Variants in EXOC6B observed in about 807,000 individuals in gnomAD.
The protein encoded by EXOC6B is exocyst complex component 6B.
In EXOC6B, 54 loss-of-function variants were observed where a neutral mutation model predicts 113.5. The observed-to-expected ratio is 0.48, with a 90% confidence interval of 0.38 to 0.60. The LOEUF is 0.60. EXOC6B is among the 20% of genes least tolerant of loss of function. EXOC6B has a pLI of 0.00. For missense variants in EXOC6B, 797 were observed against 977.5 expected, an observed-to-expected ratio of 0.82 and a Z score of 2.46; for synonymous variants, 357 against 339.0, an observed-to-expected ratio of 1.05 and a Z score of -0.58.
At chr2:72,469,206 T>C (rs1698246530) in intron 17 of EXOC6B, among the ~76,000 whole-genome samples, 1 of 152,124 alleles carries the variant, frequency 6.6e-6, no homozygotes, top group Non-Finnish European at 1.5e-5. Context: ...ATTTAGATAG[T>C]TTCACTGCCC....
At position 72,705,627 on chromosome 2, in the gene EXOC6B, A is replaced by C. The variant is rs572637710; in HGVS notation, c.669+12476T>G. On this transcript the variant is annotated intron_variant, in intron 6 of 21. Transcript: ENST00000272427. ...CATACACACACACGTGCAAGTAAGC[A>C]CCACAACCTGACAAAGCCTCTCCTA... Among the ~76,000 whole-genome samples, 847 of 152,184 alleles carry C rather than the reference A, an allele frequency of 5.6e-3. 13 individuals are homozygous for C. The highest frequency in any genetic ancestry group is 0.017 in the African/African-American group (714 of 41,536).
Position 72,772,386 on chromosome 2 carries a change from G to A in EXOC6B, c.114-30917C>T, listed in dbSNP as rs746102903. ...CCCCAAAGCCCCAGGCTTCAGGCCT[G>A]CCCAATAGAACCTGGTGCCAGGCAA... On this transcript the variant is annotated intron_variant, in intron 1 of 21. Transcript: ENST00000272427. Among the ~76,000 whole-genome samples, 33 of 152,166 alleles carry A rather than the reference G, an allele frequency of 2.2e-4. 1 individual carries two copies. The highest frequency in any genetic ancestry group is 4.1e-4 in the Non-Finnish European group (28 of 68,034).
chr2:72,692,846 A>G lies in EXOC6B; in HGVS notation c.669+25257T>C, dbSNP rs1401680642. 3.3e-5 allele frequency among the ~76,000 whole-genome samples: 5 copies of G among 152,212 alleles called. No individual in the cohort carries two copies. In the East Asian group the frequency reaches 9.6e-4, roughly 29 times the overall value. On this transcript the variant is annotated intron_variant, in intron 6 of 21. Coordinates refer to ENST00000272427, the MANE Select transcript of EXOC6B (RefSeq NM_015189.3). Reference sequence around the variant, plus strand: ...TACAAAAGCCCAAGAGAGGAAACTAAGTGGAATCTTAGGTTTCAAACTTCT... The same window carrying G: ...TACAAAAGCCCAAGAGAGGAAACTAGGTGGAATCTTAGGTTTCAAACTTCT...
chr2:72,434,971 T>G (rs1695764217), intron 18 of EXOC6B, among the ~76,000 whole-genome samples: 8 of 152,182 alleles, frequency 5.3e-5, no homozygotes. Flanking sequence ...TTGCTCTTAC[T>G]TCTCTAGTTC....
At chr2:72,363,150 A>C (rs2104991093) in intron 19 of EXOC6B, among the ~76,000 whole-genome samples, 1 of 152,280 alleles carries the variant, frequency 6.6e-6, no homozygotes, top group East Asian at 1.9e-4. Flanking sequence ...ATCTAAGATG[A>C]AATCCACACA....
At chr2:72,679,982 A>G (rs902260917) in intron 6 of EXOC6B, among the ~76,000 whole-genome samples, 2 of 152,234 alleles carry the variant, frequency 1.3e-5, no homozygotes, top group African/African-American at 4.8e-5. Context: ...CAACATAAAT[A>G]TAAATTTCCT....
At chr2:72,654,603 A>G in intron 6 of EXOC6B, among the ~76,000 whole-genome samples, 1 of 152,220 alleles carries the variant, frequency 6.6e-6, no homozygotes, top group Non-Finnish European at 1.5e-5. Context: ...TATGGATTGT[A>G]TGTGAAATGC....
intron 18 of EXOC6B, among the ~76,000 whole-genome samples, chr2:72,397,474 G>A (rs2105139865): frequency 6.6e-6 from 1 of 151,658 alleles, no homozygotes; most frequent in Non-Finnish European, 1.5e-5. Context: ...CAAAAAATTA[G>A]CCGGGCATGG....
chr2:72,276,027 T>G (rs1684790892), intron 20 of EXOC6B, among the ~76,000 whole-genome samples: 1 of 150,636 alleles, frequency 6.6e-6, no homozygotes, highest in African/African-American at 2.4e-5. Context: ...AAGTAGGGAG[T>G]GGGGGATGGA....
At chr2:72,218,244 C>T (rs1680654814) in intron 20 of EXOC6B, among the ~76,000 whole-genome samples, 1 of 152,214 alleles carries the variant, frequency 6.6e-6, no homozygotes, top group African/African-American at 2.4e-5. Flanking sequence ...TTCAAGTCAT[C>T]AGCAAGGTGA....
chr2:72,592,512 C>T (rs186001278), intron 6 of EXOC6B, among the ~76,000 whole-genome samples: 1 of 152,066 alleles, frequency 6.6e-6, no homozygotes. Flanking sequence ...TATTAGTGTC[C>T]CCCAGGATCC....
intron 7 of EXOC6B, among the ~76,000 whole-genome samples, chr2:72,571,196 C>T (rs978596673): frequency 2.0e-5 from 3 of 152,092 alleles, no homozygotes; most frequent in Non-Finnish European, 4.4e-5. Context: ...AACATTAACA[C>T]CTGCATATGC....
At chr2:72,672,418 C>A (rs1445796504) in intron 6 of EXOC6B, among the ~76,000 whole-genome samples, 5 of 151,508 alleles carry the variant, frequency 3.3e-5, no homozygotes, top group African/African-American at 1.2e-4. Flanking sequence ...ATCACGAGGT[C>A]AGGACATCGA....
chr2:72,687,852 A>G (rs1677198760), intron 6 of EXOC6B, among the ~76,000 whole-genome samples: 1 of 152,176 alleles, frequency 6.6e-6, no homozygotes, highest in Non-Finnish European at 1.5e-5. Flanking sequence ...GAGGAGAAGG[A>G]CACTATTCTG....
At chr2:72,676,347 T>G (rs1676314727) in intron 6 of EXOC6B, among the ~76,000 whole-genome samples, 1 of 152,178 alleles carries the variant, frequency 6.6e-6, no homozygotes, top group Admixed American at 6.5e-5. Flanking sequence ...CCTCTCCAAG[T>G]ACTCCCCACA....
intron 20 of EXOC6B, among the ~76,000 whole-genome samples, chr2:72,329,172 C>T (rs190071692): frequency 3.9e-5 from 6 of 152,234 alleles, no homozygotes; most frequent in Admixed American, 3.9e-4. Flanking sequence ...CCACACTTCT[C>T]TTCATCAACT....
At chr2:72,823,435 C>A (rs1395456171) in intron 1 of EXOC6B, among the ~76,000 whole-genome samples, 2 of 115,374 alleles carry the variant, frequency 1.7e-5, no homozygotes, top group African/African-American at 3.2e-5. Flanking sequence ...CAGGTTCAAC[C>A]AACTTCTCAA....
At chr2:72,633,941 A>G (rs910534930) in intron 6 of EXOC6B, among the ~76,000 whole-genome samples, 2 of 152,232 alleles carry the variant, frequency 1.3e-5, no homozygotes, top group African/African-American at 4.8e-5. Context: ...ATTGCTGAGG[A>G]TCAAGAAAGC....
intron 8 of EXOC6B, among the ~76,000 whole-genome samples, chr2:72,517,091 G>A (rs1490167515): frequency 6.6e-6 from 1 of 152,084 alleles, no homozygotes; most frequent in Non-Finnish European, 1.5e-5. Flanking sequence ...TCAGGGGTTG[G>A]CAAACATTTT....
Sources: allele counts gnomAD v4.1 joint callset (sites outside exome capture counted in the v4.1 genomes callset), GRCh38; gene constraint gnomAD v4.1.1; transcripts MANE v1.5; gene names NCBI Gene and HGNC (gene_info 2026-07-23, HGNC 2026-07-21).